The following DGKB variants were observed in gnomAD, a reference collection of about 807,000 sequenced individuals.
DGKB encodes the protein diacylglycerol kinase beta.
In DGKB, 67 loss-of-function variants were observed where a neutral mutation model predicts 114.3. The ratio of observed to expected loss-of-function variants is 0.59; its 90% CI spans 0.48 to 0.72. The LOEUF (loss-of-function observed/expected upper bound fraction) is 0.72, where lower values mean the gene tolerates loss of function less well. Ranked by LOEUF, DGKB falls within the 30% of genes least tolerant of loss-of-function variation. The pLI is 0.00. For missense variants in DGKB, 907 were observed against 975.2 expected, an observed-to-expected ratio of 0.93 and a Z score of 0.93; for synonymous variants, 398 against 323.1, an observed-to-expected ratio of 1.23 and a Z score of -2.49.
chr7:14,492,518 A>G (rs1363416839), intron 20 of DGKB, among the ~76,000 whole-genome samples: 1 of 152,102 alleles, frequency 6.6e-6, no homozygotes, highest in Non-Finnish European at 1.5e-5. Flanking sequence ...GTTTGAAGAA[A>G]AGAAAATACA....
chr7:14,907,438 A>G (rs1430877232), upstream of DGKB, among the ~76,000 whole-genome samples: 2 of 152,210 alleles, frequency 1.3e-5, no homozygotes, highest in African/African-American at 4.8e-5. Context: ...TGAAATGAGG[A>G]TGCCATAGCA....
At chr7:14,838,647 A>T (rs1847490610) in intron 2 of DGKB, among the ~76,000 whole-genome samples, 1 of 152,060 alleles carries the variant, frequency 6.6e-6, no homozygotes, top group South Asian at 2.1e-4. Flanking sequence ...GTCTTTCATG[A>T]TCTACGTTAT....
intron 20 of DGKB, among the ~76,000 whole-genome samples, chr7:14,517,996 A>T (rs1789124850): frequency 6.6e-6 from 1 of 152,200 alleles, no homozygotes; most frequent in African/African-American, 2.4e-5. Flanking sequence ...ATTCTGCCAT[A>T]AAGACACATG....
intron 20 of DGKB, among the ~76,000 whole-genome samples, chr7:14,522,860 A>C (rs1426050993): frequency 6.6e-6 from 1 of 152,174 alleles, no homozygotes; most frequent in African/African-American, 2.4e-5. Context: ...AAAAATAACA[A>C]AAGTTTAGAT....
intron 20 of DGKB, among the ~76,000 whole-genome samples, chr7:14,478,613 T>G (rs1782544517): frequency 6.6e-6 from 1 of 152,042 alleles, no homozygotes; most frequent in African/African-American, 2.4e-5. Flanking sequence ...AAGGATGCCC[T>G]AAGTGGAGAA....
At chr7:14,567,939 C>A (rs1423746269) in intron 20 of DGKB, among the ~76,000 whole-genome samples, 2 of 151,888 alleles carry the variant, frequency 1.3e-5, no homozygotes, top group South Asian at 2.1e-4. Context: ...ACTCCCATAA[C>A]CCTAGAGCCT....
chr7:14,567,238 AT>A (rs1797585314), intron 20 of DGKB, among the ~76,000 whole-genome samples: 4 of 51,168 alleles, frequency 7.8e-5, no homozygotes, highest in African/African-American at 3.3e-4. Context: ...ATATAATTAT[AT>A]TATATATATT....
At chr7:14,712,224 G>C (rs1290958129) in intron 6 of DGKB, among the ~76,000 whole-genome samples, 1 of 151,974 alleles carries the variant, frequency 6.6e-6, no homozygotes, top group Non-Finnish European at 1.5e-5. Flanking sequence ...AAAGAAGATG[G>C]AAAATAGAAA....
intron 23 of DGKB, among the ~76,000 whole-genome samples, chr7:14,238,570 T>G (rs1360853528): frequency 8.1e-6 from 1 of 123,918 alleles, no homozygotes. Flanking sequence ...TAGAGTACAT[T>G]TTCTGATTTA....
chr7:14,393,140 C>T (rs1359439498), intron 21 of DGKB, among the ~76,000 whole-genome samples: 1 of 151,654 alleles, frequency 6.6e-6, no homozygotes, highest in African/African-American at 2.4e-5. Flanking sequence ...CAGGCGCCCG[C>T]CACCTTGCCA....
At chr7:14,846,665 G>A (rs1041435393) in intron 1 of DGKB, among the ~76,000 whole-genome samples, 2 of 152,196 alleles carry the variant, frequency 1.3e-5, no homozygotes, top group African/African-American at 2.4e-5. Flanking sequence ...TGTCAGGAGG[G>A]ATCCACTTTG....
At chr7:14,909,973 G>A (rs1321564327) in intron 1 of DGKB, among the ~76,000 whole-genome samples, 2 of 152,094 alleles carry the variant, frequency 1.3e-5, no homozygotes, top group Admixed American at 6.6e-5. Flanking sequence ...TTGAGAGGCC[G>A]AGGTGGGTGG....
intron 18 of DGKB, among the ~76,000 whole-genome samples, chr7:14,582,097 T>C (rs1234013756): frequency 6.6e-6 from 1 of 152,216 alleles, no homozygotes; most frequent in African/African-American, 2.4e-5. Flanking sequence ...AATAGGTGTC[T>C]GTTTCAATTT....
chr7:14,528,198 T>A (rs904840158), intron 20 of DGKB, among the ~76,000 whole-genome samples: 2 of 152,116 alleles, frequency 1.3e-5, no homozygotes, highest in Non-Finnish European at 2.9e-5. Flanking sequence ...ACAACCTCCA[T>A]CTAACAGGTC....
At chr7:14,401,875 A>T (rs1396213434) in intron 21 of DGKB, among the ~76,000 whole-genome samples, 2 of 151,810 alleles carry the variant, frequency 1.3e-5, no homozygotes, top group African/African-American at 4.8e-5. Context: ...AGGATGTTTT[A>T]TTCCTTTATG....
rs78336278 is a variant in DGKB, at chr7:14,352,529, C to T, written c.1836-7138G>A. ...TACAAAAACGTACACAAAGTAAGTC[C>T]CTAAGAGCAGTGATAAATTCATAAT... On this transcript the variant is annotated intron_variant, in intron 21 of 25. Coordinates refer to ENST00000402815, the MANE Select transcript of DGKB (RefSeq NM_001350709.2). Among the ~76,000 whole-genome samples the T allele has an allele frequency of 8.7e-3, 1,323 of 152,186 alleles. 23 individuals are homozygous for T. Among genetic ancestry groups the T allele is most frequent in the African/African-American group, 0.03 (1,249 of 41,502 alleles).
intron 23 of DGKB, among the ~76,000 whole-genome samples, chr7:14,317,129 A>G (rs1724136805): frequency 1.3e-5 from 1 of 78,042 alleles, no homozygotes; most frequent in Non-Finnish European, 2.5e-5. Flanking sequence ...TTGATGGGAC[A>G]TATTTCAAAA....
intron 7 of DGKB, among the ~76,000 whole-genome samples, chr7:14,699,243 T>C (rs887402051): frequency 3.9e-5 from 6 of 152,158 alleles, no homozygotes; most frequent in African/African-American, 1.4e-4. Context: ...ATAAATCCCT[T>C]TGAATTATAG....
chr7:14,925,149 C>A (rs1784686762), intron 1 of DGKB, among the ~76,000 whole-genome samples: 1 of 152,122 alleles, frequency 6.6e-6, no homozygotes, highest in African/African-American at 2.4e-5. Flanking sequence ...ATGGTTGCCC[C>A]AAAGTCTGTT....
Sources: gnomAD v4.1 joint callset for allele counts (sites outside exome capture counted in the v4.1 genomes callset) on GRCh38, gnomAD v4.1.1 for gene constraint, MANE v1.5 for transcripts, NCBI Gene and HGNC (gene_info 2026-07-23, HGNC 2026-07-21) for gene names.